ASIC2: variants seen among roughly 807,000 people sequenced by gnomAD.
ASIC2 encodes the protein acid-sensing ion channel 2.
Under a neutral mutation model 57.3 loss-of-function variants are expected in ASIC2, and 25 were observed. That is an observed-to-expected ratio of 0.44 (90% CI 0.32 to 0.61). ASIC2 has a LOEUF of 0.61. Among genes scored for constraint, ASIC2 ranks in the 20% least tolerant of loss-of-function variants. The pLI is 0.06. For missense variants in ASIC2, 641 were observed against 738.1 expected (o/e 0.87, Z 1.52); for synonymous variants, 319 against 307.5 (o/e 1.04, Z -0.39).
intron 1 of ASIC2, among the ~76,000 whole-genome samples, chr17:33,697,906 G>A (rs373405821): frequency 1.3e-5 from 2 of 152,228 alleles, no homozygotes; most frequent in Admixed American, 1.3e-4. Context: ...TTTGCAGTGA[G>A]TGTCTTGAAA....
At chr17:33,498,216 C>A (rs1913996308) in intron 1 of ASIC2, among the ~76,000 whole-genome samples, 1 of 152,234 alleles carries the variant, frequency 6.6e-6, no homozygotes, top group South Asian at 2.1e-4. Flanking sequence ...GGGGTCCCTG[C>A]CCTCTGGGCT....
Position 33,071,255 on chromosome 17 carries a change from G to C in ASIC2, c.987+17608C>G, listed in dbSNP as rs535173424. Among the ~76,000 whole-genome samples, 14 of 152,238 alleles carry C rather than the reference G, an allele frequency of 9.2e-5. No homozygotes were observed. The South Asian group carries it at 2.1e-3, about 23-fold the overall frequency. On this transcript the variant is annotated intron_variant, in intron 3 of 9. Transcript: ENST00000225823. ...TAAATACCAGTATGTTAGGCCACTG[G>C]AAGTTGTCTCATTGCTACATTCTTC...
intron 2 of ASIC2, 29 bp from the exon 3 acceptor site, chr17:33,089,019 G>C (rs192283562): frequency 1.2e-6 from 2 of 1,612,820 alleles, no homozygotes; most frequent in Non-Finnish European, 1.7e-6. Context: ...ACAGAGCCAC[G>C]GGTCAGTAAC....
chr17:33,863,648 T>C (rs1405506675), intron 1 of ASIC2, among the ~76,000 whole-genome samples: 2 of 152,240 alleles, frequency 1.3e-5, no homozygotes, highest in East Asian at 1.9e-4. Flanking sequence ...ACCATCTTTT[T>C]AAATTATCCT....
chr17:33,251,197 G>A (rs1185326945), intron 1 of ASIC2, among the ~76,000 whole-genome samples: 4 of 152,202 alleles, frequency 2.6e-5, no homozygotes, highest in Non-Finnish European at 5.9e-5. Context: ...TTTTCTTGCA[G>A]TTGATCTCTA....
At chr17:33,582,490 C>T (rs1904477222) in intron 1 of ASIC2, among the ~76,000 whole-genome samples, 1 of 152,094 alleles carries the variant, frequency 6.6e-6, no homozygotes, top group African/African-American at 2.4e-5. Context: ...TCAGTTTGGT[C>T]TGCTAGCTGT....
intron 1 of ASIC2, among the ~76,000 whole-genome samples, chr17:33,123,967 C>G (rs1323591419): frequency 1.3e-5 from 2 of 152,168 alleles, no homozygotes; most frequent in African/African-American, 4.8e-5. Flanking sequence ...CCAGTGGAAA[C>G]CAAATGATAG....
intron 1 of ASIC2, among the ~76,000 whole-genome samples, chr17:33,671,819 G>A (rs1907647730): frequency 6.6e-6 from 1 of 152,144 alleles, no homozygotes; most frequent in African/African-American, 2.4e-5. Context: ...CTGATAAATG[G>A]AACCATCTAT....
intron 1 of ASIC2, among the ~76,000 whole-genome samples, chr17:33,724,405 G>A (rs1029211936): frequency 9.9e-5 from 15 of 152,222 alleles, no homozygotes; most frequent in East Asian, 5.8e-4. Flanking sequence ...GCCGACTTAC[G>A]TCTGGAAAGA....
intron 1 of ASIC2, among the ~76,000 whole-genome samples, chr17:33,219,574 C>G (rs775941933): frequency 7.9e-5 from 12 of 152,146 alleles, no homozygotes; most frequent in South Asian, 2.1e-4. Context: ...AAAAATTGAA[C>G]CTGAGTTCTT....
chr17:33,120,131 C>CTGGAATAAGGTTATGTAGGGGTTGT (rs2092295930), intron 1 of ASIC2, among the ~76,000 whole-genome samples: 2 of 151,974 alleles, frequency 1.3e-5, no homozygotes, highest in East Asian at 3.9e-4. Context: ...GTAGGGGTTG[C>CTGGAATAAGGTTATGTAGGGGTTGT]TGGAATAAGG....
At chr17:33,065,549 T>A (rs761814673) in intron 3 of ASIC2, among the ~76,000 whole-genome samples, 6 of 152,154 alleles carry the variant, frequency 3.9e-5, no homozygotes, top group Non-Finnish European at 7.3e-5. Context: ...ACTCCTGGCC[T>A]GAAGCCATCC....
intron 1 of ASIC2, among the ~76,000 whole-genome samples, chr17:33,834,999 ATATT>A (rs147230443): frequency 0.012 from 1,894 of 152,358 alleles, 31 homozygotes; most frequent in African/African-American, 0.037. Flanking sequence ...TTTTCAATAA[ATATT>A]TATTGAGTCT....
At chr17:33,745,954 T>C (rs1910245378) in intron 1 of ASIC2, among the ~76,000 whole-genome samples, 5 of 152,100 alleles carry the variant, frequency 3.3e-5, no homozygotes, top group Admixed American at 2.0e-4. Context: ...AAACAAATTG[T>C]ATAAAACAAT....
At chr17:33,748,873 G>A (rs562146884) in intron 1 of ASIC2, among the ~76,000 whole-genome samples, 8 of 152,340 alleles carry the variant, frequency 5.3e-5, no homozygotes, top group Middle Eastern at 3.4e-3. Context: ...CCACGCAGGA[G>A]CTCAAATGGG....
intron 1 of ASIC2, chr17:33,290,903 G>C (rs1597668266): frequency 6.5e-6 from 1 of 153,238 alleles, no homozygotes; most frequent in Non-Finnish European, 1.4e-5. Flanking sequence ...GCTTCGGATC[G>C]TAGGCCTGCT....
chr17:33,389,718 T>G (rs1221067595), intron 1 of ASIC2, among the ~76,000 whole-genome samples: 1 of 152,170 alleles, frequency 6.6e-6, no homozygotes, highest in Non-Finnish European at 1.5e-5. Context: ...GACAAGAATA[T>G]TCTGTCTGTC....
At chr17:34,034,928 C>G (rs570301932) in intron 1 of ASIC2, among the ~76,000 whole-genome samples, 19,703 of 151,748 alleles carry the variant, frequency 0.13, 1,306 homozygotes, top group South Asian at 0.19. Context: ...ATGAAAATGG[C>G]CATACTGCCC....
chr17:33,163,840 G>A (rs1298006182), intron 1 of ASIC2, among the ~76,000 whole-genome samples: 3 of 152,160 alleles, frequency 2.0e-5, no homozygotes, highest in African/African-American at 4.8e-5. Flanking sequence ...TGTTCAGTAG[G>A]TGGTTGGGGA....
Sources: gnomAD v4.1 joint callset for allele counts (sites outside exome capture counted in the v4.1 genomes callset) on GRCh38, gnomAD v4.1.1 for gene constraint, MANE v1.5 for transcripts, NCBI Gene and HGNC (gene_info 2026-07-23, HGNC 2026-07-21) for gene names.